The following LIPA variants were observed in gnomAD, a reference collection of about 807,000 sequenced individuals.
LIPA encodes lipase A, lysosomal acid type, also known as lysosomal acid lipase/cholesteryl ester hydrolase.
LIPA carries 26 observed loss-of-function variants against 40.6 expected under a neutral mutation model. The observed-to-expected ratio is 0.64, with a 90% CI of 0.47 to 0.89. The LOEUF is 0.89. Ranked by LOEUF, LIPA falls within the 40% of genes least tolerant of loss-of-function variation. The pLI is 0.00. For missense variants in LIPA, 455 were observed against 479.6 expected, an observed-to-expected ratio of 0.95 and a Z score of 0.48; for synonymous variants, 188 against 168.4, an observed-to-expected ratio of 1.12 and a Z score of -0.90.
intron 1 of LIPA, among the ~76,000 whole-genome samples, chr10:89,290,841 A>C (rs950735563): frequency 2.6e-5 from 4 of 152,238 alleles, no homozygotes; most frequent in Non-Finnish European, 4.4e-5. Context: ...GTGATTAAAA[A>C]GCTTTATTGC....
At chr10:89,413,766 CAAAAAAA>C (rs376455922) in intron 1 of LIPA, among the ~76,000 whole-genome samples, 2 of 82,894 alleles carry the variant, frequency 2.4e-5, no homozygotes, top group Non-Finnish European at 4.8e-5. Flanking sequence ...GACCCTGTCT[CAAAAAAA>C]AAAAAAAAAC....
At position 89,226,929 on chromosome 10, in the gene LIPA, C is replaced by T; in HGVS notation, c.504G>A (p.Val168=). 1.2e-6 allele frequency: 2 copies of T among 1,611,220 alleles called. No individual in the cohort carries two copies. The highest frequency in any genetic ancestry group is 1.7e-4 in the Middle Eastern group (1 of 5,814). Residue 168 remains valine (V), a synonymous_variant, in exon 5 of 10, where the codon GTG becomes GTA. Transcript: ENST00000336233. ...TGCCTTGAGAATGACCCACATAATA[C>T]ACTTGTTCTTGGCCAGTTTTATTCA... ...FILNKTGQEQ[V]YYVGHSQGTT...
intron 2 of LIPA, among the ~76,000 whole-genome samples, chr10:89,348,805 G>A (rs1843941038): frequency 6.6e-6 from 1 of 152,108 alleles, no homozygotes; most frequent in African/African-American, 2.4e-5. Flanking sequence ...TTCCATGCCT[G>A]CGTGGGGGTC....
At chr10:89,310,058 T>C (rs1589597265) in intron 1 of LIPA, among the ~76,000 whole-genome samples, 1 of 152,232 alleles carries the variant, frequency 6.6e-6, no homozygotes, top group Non-Finnish European at 1.5e-5. Context: ...TTCAATACAT[T>C]TCACATTCTC....
chr10:89,374,138 G>A (rs1844107639), intron 2 of LIPA, among the ~76,000 whole-genome samples: 2 of 152,126 alleles, frequency 1.3e-5, no homozygotes, highest in Admixed American at 6.5e-5. Context: ...TACCTGATGA[G>A]GAAACTCAGT....
chr10:89,406,014 C>T (rs986064645), intron 2 of LIPA: 2 of 152,190 alleles, frequency 1.3e-5, no homozygotes, highest in African/African-American at 4.8e-5. Context: ...CTGATTTCAT[C>T]CATTGCCCTT....
At chr10:89,262,414 CT>C (rs1346239881) in intron 1 of LIPA, among the ~76,000 whole-genome samples, 2 of 152,188 alleles carry the variant, frequency 1.3e-5, no homozygotes, top group Non-Finnish European at 2.9e-5. Flanking sequence ...TGGAGTCTCT[CT>C]TTTCTTTGTC....
At chr10:89,234,414 T>C (rs1400253629) in intron 3 of LIPA, among the ~76,000 whole-genome samples, 3 of 152,190 alleles carry the variant, frequency 2.0e-5, no homozygotes, top group African/African-American at 4.8e-5. Context: ...ATGCAGAGGA[T>C]ATAACTTACT....
intron 1 of LIPA, chr10:89,335,461 G>A (rs190907214): frequency 6.6e-6 from 1 of 151,874 alleles, no homozygotes; most frequent in Admixed American, 6.6e-5. Flanking sequence ...TCATCTCAGA[G>A]GGAGAATCTT....
upstream of LIPA, among the ~76,000 whole-genome samples, chr10:89,256,610 C>T (rs1416205009): frequency 3.3e-5 from 5 of 152,168 alleles, no homozygotes; most frequent in African/African-American, 4.8e-5. Context: ...AGACATTGGG[C>T]AATATAGTTA....
intron 1 of LIPA, among the ~76,000 whole-genome samples, chr10:89,267,708 AC>A: frequency 6.9e-6 from 1 of 145,840 alleles, no homozygotes; most frequent in Non-Finnish European, 1.5e-5. Flanking sequence ...GTGCACATGT[AC>A]CCTAAAACTT....
At chr10:89,293,678 A>AAGAGAGAGAGAGAGAGAGAGAG (rs563646884) in intron 1 of LIPA, 1 of 126,268 alleles carries the variant, frequency 7.9e-6, no homozygotes, top group Non-Finnish European at 1.6e-5. Context: ...TCTGTGTGAG[A>AAGAGAGAGAGAGAGAGAGAGAG]TGAGAGAGAG....
At chr10:89,377,163 T>C (rs1268761502) in intron 2 of LIPA, among the ~76,000 whole-genome samples, 1 of 152,204 alleles carries the variant, frequency 6.6e-6, no homozygotes, top group Non-Finnish European at 1.5e-5. Flanking sequence ...ACATCAGCCT[T>C]GGGATCATAT....
At chr10:89,386,245 T>C (rs1844209579) in intron 2 of LIPA, among the ~76,000 whole-genome samples, 1 of 152,182 alleles carries the variant, frequency 6.6e-6, no homozygotes, top group Admixed American at 6.5e-5. Flanking sequence ...AGGCATTTAC[T>C]ACTACAGGCC....
In LIPA at chr10:89,412,799, AG is replaced by A. The variant is rs79242890; in HGVS notation, c.52del (p.Leu18PhefsTer87). 0.21 allele frequency: 87,521 copies of A among 418,730 alleles called. 11,359 individuals are homozygous for A. The highest frequency in any genetic ancestry group is 0.44 in the East Asian group (4,956 of 11,284). 25.9% of individuals were successfully genotyped at this position (418,730 alleles called of 1,614,324 possible). On this transcript the variant is annotated frameshift_variant, in exon 2 of 9. Coordinates refer to the LIPA transcript ENST00000371837. LOFTEE classifies it high-confidence loss of function. ...CAAGACCACGAACTCACCAGAAGGA[AG>A]AAACTCCAGACACATCTGAACATCG...
intron 2 of LIPA, among the ~76,000 whole-genome samples, chr10:89,381,858 T>C (rs562321431): frequency 1.4e-4 from 22 of 152,262 alleles, no homozygotes; most frequent in African/African-American, 5.1e-4. Context: ...TGATCTCGGT[T>C]CATGGCAACC....
At chr10:89,259,793 C>T (rs979881667) in intron 1 of LIPA, among the ~76,000 whole-genome samples, 1 of 152,156 alleles carries the variant, frequency 6.6e-6, no homozygotes, top group Non-Finnish European at 1.5e-5. Context: ...AAAAACAGTA[C>T]ATGTCTCATT....
chr10:89,414,254 G>C (rs1027819209), intron 1 of LIPA, among the ~76,000 whole-genome samples: 1 of 152,138 alleles, frequency 6.6e-6, no homozygotes, highest in African/African-American at 2.4e-5. Flanking sequence ...GTGGAAGCAG[G>C]GACTTAAGTT....
chr10:89,280,814 G>C (rs1843310792), intron 1 of LIPA, among the ~76,000 whole-genome samples: 1 of 152,086 alleles, frequency 6.6e-6, no homozygotes, highest in African/African-American at 2.4e-5. Context: ...TTTTTTAATG[G>C]TATCATTTCT....
Sources: allele counts gnomAD v4.1 joint callset (sites outside exome capture counted in the v4.1 genomes callset), GRCh38; gene constraint gnomAD v4.1.1; transcripts MANE v1.5; gene names NCBI Gene and HGNC (gene_info 2026-07-23, HGNC 2026-07-21).